The following SNX29 variants were observed in gnomAD, a reference collection of about 807,000 sequenced individuals.
The protein encoded by SNX29 is sorting nexin-29.
A neutral mutation model predicts 102.1 loss-of-function variants in SNX29; 78 were observed. The ratio of observed to expected loss-of-function variants is 0.76; its 90% CI spans 0.64 to 0.92. SNX29 has a LOEUF of 0.92. SNX29 is among the 40% of genes least tolerant of loss of function. SNX29 has a pLI of 0.00. For synonymous variants in SNX29, 580 were observed against 414.5 expected (o/e 1.40, Z -4.85); for missense variants, 1,280 against 1,061.7 (o/e 1.21, Z -2.86).
intron 18 of SNX29, among the ~76,000 whole-genome samples, chr16:12,404,781 G>T (rs2084096170): frequency 6.6e-6 from 1 of 152,120 alleles, no homozygotes; most frequent in Non-Finnish European, 1.5e-5. Flanking sequence ...AATCTATCTT[G>T]TAAAACTGTT....
rs541744214 is a variant in SNX29 at position 12,371,814 on chromosome 16, C to T, written c.1899+15535C>T. 1.5e-3 allele frequency among the ~76,000 whole-genome samples: 228 copies of T among 152,264 alleles called. 5 individuals are homozygous for T. Among genetic ancestry groups the T allele is most frequent in the South Asian group, 0.012 (60 of 4,818 alleles). ...GTTTTAAAAATAATATGGCAGATGG[C>T]GAAGCAGGACCTGACTCTCGCCTTC... On this transcript the variant is annotated intron_variant, in intron 16 of 20. Coordinates refer to ENST00000566228, the MANE Select transcript of SNX29 (RefSeq NM_032167.5).
chr16:12,453,058 G>A (rs1269604138), intron 18 of SNX29, among the ~76,000 whole-genome samples: 1 of 152,166 alleles, frequency 6.6e-6, no homozygotes, highest in Non-Finnish European at 1.5e-5. Flanking sequence ...TGTCTCACTT[G>A]GTGGCAGCAT....
intron 14 of SNX29, among the ~76,000 whole-genome samples, chr16:12,237,586 C>T (rs1042826035): frequency 6.6e-6 from 1 of 151,660 alleles, no homozygotes; most frequent in Non-Finnish European, 1.5e-5. Flanking sequence ...GACTGGGCAA[C>T]ATGGTGAAAC....
intron 14 of SNX29, among the ~76,000 whole-genome samples, chr16:12,204,803 A>G (rs1422724247): frequency 2.6e-5 from 4 of 152,226 alleles, no homozygotes; most frequent in South Asian, 2.1e-4. Context: ...CCACACCCAC[A>G]TGTGCTTCGT....
intron 15 of SNX29, among the ~76,000 whole-genome samples, chr16:12,278,366 G>A (rs2079322971): frequency 6.6e-6 from 1 of 152,138 alleles, no homozygotes; most frequent in South Asian, 2.1e-4. Flanking sequence ...GCTGTTAAAT[G>A]TGAAAATATG....
intron 20 of SNX29, among the ~76,000 whole-genome samples, chr16:12,551,757 T>C (rs1223071244): frequency 1.3e-5 from 2 of 152,198 alleles, no homozygotes; most frequent in African/African-American, 4.8e-5. Flanking sequence ...CTGGCTGCCT[T>C]GTACACATAC....
chr16:12,434,459 G>T (rs1028595656), intron 18 of SNX29, among the ~76,000 whole-genome samples: 1 of 152,122 alleles, frequency 6.6e-6, no homozygotes, highest in South Asian at 2.1e-4. Context: ...CGAGGGAGCC[G>T]ATGTTCATCC....
intron 14 of SNX29, among the ~76,000 whole-genome samples, chr16:12,203,979 C>G (rs1344910273): frequency 1.3e-5 from 2 of 152,216 alleles, no homozygotes; most frequent in Admixed American, 6.5e-5. Context: ...TGGCTTCATC[C>G]TTGGCCTGGC....
Position 12,563,046 on chromosome 16 carries a change from C to T in SNX29, c.2319-5460C>T, listed in dbSNP as rs149711251. Among the ~76,000 whole-genome samples, 400 of 152,224 alleles carry T rather than the reference C, an allele frequency of 2.6e-3. 2 individuals are homozygous for T. The highest frequency in any genetic ancestry group is 9.2e-3 in the African/African-American group (381 of 41,514). On this transcript the variant is annotated intron_variant, in intron 20 of 20. Transcript: ENST00000566228. ...TTTACATCATTGCAAGGGCCAAGGT[C>T]ACCTCGAAATGTAGGTACTGGAAGA... is the stretch of plus-strand genomic sequence containing the variant.
chr16:12,543,876 T>C (rs1361253966), intron 20 of SNX29, among the ~76,000 whole-genome samples: 2 of 152,182 alleles, frequency 1.3e-5, no homozygotes, highest in African/African-American at 4.8e-5. Context: ...CTTACCACAC[T>C]ACAAGAGCTT....
intron 8 of SNX29, 132 bp from the exon 9 acceptor site, chr16:12,061,396 C>T (rs958356572): frequency 7.3e-6 from 5 of 687,048 alleles, no homozygotes; most frequent in Non-Finnish European, 1.2e-5. Flanking sequence ...ACCTCCCAGC[C>T]CACACCTCCT....
chr16:12,447,694 G>A (rs186143807), intron 18 of SNX29, among the ~76,000 whole-genome samples: 7 of 152,344 alleles, frequency 4.6e-5, no homozygotes, highest in Non-Finnish European at 7.3e-5. Flanking sequence ...GAATTGAGAT[G>A]CAGGTTAACA....
intron 20 of SNX29, among the ~76,000 whole-genome samples, chr16:12,543,489 C>T (rs933459605): frequency 2.0e-5 from 3 of 152,188 alleles, no homozygotes; most frequent in Admixed American, 6.5e-5. Flanking sequence ...AAGCCACAGC[C>T]ACCTGTGCTG....
At chr16:12,156,864 G>C (rs1434546909) in intron 13 of SNX29, among the ~76,000 whole-genome samples, 1 of 152,196 alleles carries the variant, frequency 6.6e-6, no homozygotes, top group African/African-American at 2.4e-5. Context: ...TGGAGCTCGG[G>C]TGTGTGTAGA....
chr16:12,223,088 G>C (rs757828609), intron 14 of SNX29, among the ~76,000 whole-genome samples: 1 of 152,164 alleles, frequency 6.6e-6, no homozygotes, highest in African/African-American at 2.4e-5. Flanking sequence ...CGTTTCCTCA[G>C]TGTGAGTTGT....
At chr16:12,531,626 TG>T (rs2076934859) in intron 20 of SNX29, among the ~76,000 whole-genome samples, 1 of 152,080 alleles carries the variant, frequency 6.6e-6, no homozygotes. Context: ...GGCTGCCTGC[TG>T]GGGCAATGGA....
intron 11 of SNX29, among the ~76,000 whole-genome samples, chr16:12,095,469 C>A (rs1219752732): frequency 1.3e-5 from 2 of 152,070 alleles, no homozygotes; most frequent in Non-Finnish European, 2.9e-5. Context: ...GTGGTGAGGT[C>A]GCGAGTGGTG....
intron 19 of SNX29, among the ~76,000 whole-genome samples, chr16:12,502,893 G>T (rs554492378): frequency 6.6e-6 from 1 of 152,186 alleles, no homozygotes; most frequent in East Asian, 1.9e-4. Context: ...TTACAGGAGC[G>T]ATTAGAGCTG....
intron 20 of SNX29, among the ~76,000 whole-genome samples, chr16:12,549,808 C>A (rs372742306): frequency 1.3e-5 from 2 of 152,262 alleles, no homozygotes; most frequent in African/African-American, 4.8e-5. Context: ...ATCATGGCTT[C>A]TGTGCCCTGT....
Sources: allele counts gnomAD v4.1 joint callset (sites outside exome capture counted in the v4.1 genomes callset), GRCh38; gene constraint gnomAD v4.1.1; transcripts MANE v1.5; gene names NCBI Gene and HGNC (gene_info 2026-07-23, HGNC 2026-07-21).